The following SLC10A7 variants were observed in gnomAD, a reference collection of about 807,000 sequenced individuals.
The protein encoded by SLC10A7 is sodium/bile acid cotransporter 7.
Under a neutral mutation model 43.2 loss-of-function variants are expected in SLC10A7, and 29 were observed. The ratio of observed to expected loss-of-function variants is 0.67; its 90% CI spans 0.50 to 0.92. The LOEUF (loss-of-function observed/expected upper bound fraction) is 0.92, where lower values mean the gene tolerates loss of function less well. Ranked by LOEUF, SLC10A7 falls within the 40% of genes least tolerant of loss-of-function variation. SLC10A7 has a pLI of 0.00. For missense variants in SLC10A7, 295 were observed against 403.2 expected (o/e 0.73, Z 2.30); for synonymous variants, 152 against 144.8 (o/e 1.05, Z -0.35).
At chr4:146,461,693 A>G (rs1213940695) in intron 4 of SLC10A7, among the ~76,000 whole-genome samples, 1 of 151,944 alleles carries the variant, frequency 6.6e-6, no homozygotes, top group African/African-American at 2.4e-5. Context: ...AATATAATAC[A>G]TAACTAGGTT....
At chr4:146,391,838 G>A (rs78264676) in intron 5 of SLC10A7, among the ~76,000 whole-genome samples, 2 of 152,180 alleles carry the variant, frequency 1.3e-5, no homozygotes, top group South Asian at 2.1e-4. Flanking sequence ...TGCTGTGAGA[G>A]AGAAAAATTA....
At chr4:146,521,490 C>T in intron 1 of SLC10A7, 128 bp downstream of exon 1, 1 of 731,388 alleles carries the variant, frequency 1.4e-6, no homozygotes, top group Non-Finnish European at 2.3e-6. Flanking sequence ...AGCAAAAGGG[C>T]CAAAGGCTGG....
chr4:146,389,529 T>G (rs1170206364), intron 5 of SLC10A7, among the ~76,000 whole-genome samples: 2 of 152,198 alleles, frequency 1.3e-5, no homozygotes, highest in African/African-American at 2.4e-5. Flanking sequence ...CTATGGTAAT[T>G]CGTTACAGCA....
At chr4:146,456,254 A>C (rs1485409296) in intron 4 of SLC10A7, among the ~76,000 whole-genome samples, 1 of 151,964 alleles carries the variant, frequency 6.6e-6, no homozygotes, top group Non-Finnish European at 1.5e-5. Context: ...TTTGAAAAAG[A>C]CAAATAAAAT....
chr4:146,298,685 T>A (rs1304740746), intron 7 of SLC10A7, among the ~76,000 whole-genome samples: 1 of 152,220 alleles, frequency 6.6e-6, no homozygotes, highest in Non-Finnish European at 1.5e-5. Flanking sequence ...AGCACTTAGA[T>A]GTATTGAAAA....
At chr4:146,413,388 G>A (rs1372219048) in intron 5 of SLC10A7, among the ~76,000 whole-genome samples, 4 of 152,032 alleles carry the variant, frequency 2.6e-5, no homozygotes, top group Non-Finnish European at 2.9e-5. Flanking sequence ...TAATATTGTA[G>A]TACCTTCAGA....
intron 6 of SLC10A7, among the ~76,000 whole-genome samples, chr4:146,309,660 C>T (rs991540552): frequency 1.3e-5 from 2 of 152,146 alleles, no homozygotes. Context: ...ACACATTCTT[C>T]CAACTTCATT....
chr4:146,446,537 C>T (rs1227228521), intron 4 of SLC10A7, among the ~76,000 whole-genome samples: 2 of 149,482 alleles, frequency 1.3e-5, no homozygotes, highest in Non-Finnish European at 3.0e-5. Flanking sequence ...GATTGTACCA[C>T]TGCATTCCAG....
intron 6 of SLC10A7, among the ~76,000 whole-genome samples, chr4:146,312,834 A>G (rs963309753): frequency 2.6e-5 from 4 of 152,128 alleles, no homozygotes; most frequent in African/African-American, 9.7e-5. Flanking sequence ...TCAAACCCAC[A>G]CAGTCTGTTT....
rs114626809 is a variant in SLC10A7, at chr4:146,338,173, G to C, written c.436-12177C>G. On this transcript the variant is annotated intron_variant, in intron 5 of 11. Coordinates refer to ENST00000335472, the MANE Select transcript of SLC10A7 (RefSeq NM_001029998.6). ...TGTGTCCACAAATGTTTCTCTCATG[G>C]AGCAGCATATCCATTTGATAAGAAA... 3.9e-3 allele frequency among the ~76,000 whole-genome samples: 597 copies of C among 152,030 alleles called. 2 individuals carry two copies. Among genetic ancestry groups the C allele is most frequent in the African/African-American group, 0.013 (546 of 41,484 alleles).
chr4:146,493,992 G>A (rs1038744071), intron 4 of SLC10A7, among the ~76,000 whole-genome samples: 9 of 152,184 alleles, frequency 5.9e-5, no homozygotes, highest in South Asian at 4.1e-4. Context: ...ATGAATGAGC[G>A]AATTTAGAAG....
At chr4:146,323,467 C>A (rs1372845494) in intron 6 of SLC10A7, among the ~76,000 whole-genome samples, 1 of 152,112 alleles carries the variant, frequency 6.6e-6, no homozygotes, top group African/African-American at 2.4e-5. Flanking sequence ...TTCCCAGCAC[C>A]ATTTATTAAA....
intron 5 of SLC10A7, among the ~76,000 whole-genome samples, chr4:146,337,443 A>G (rs1431325949): frequency 6.6e-6 from 1 of 152,020 alleles, no homozygotes; most frequent in Admixed American, 6.6e-5. Context: ...CAGCTCTCTT[A>G]AAATGTCAAG....
At chr4:146,450,361 A>C (rs949984910) in intron 4 of SLC10A7, among the ~76,000 whole-genome samples, 6 of 152,168 alleles carry the variant, frequency 3.9e-5, no homozygotes, top group African/African-American at 1.4e-4. Flanking sequence ...GAAGATGTGC[A>C]TTTATATATA....
At chr4:146,449,122 G>A (rs1290497904) in intron 4 of SLC10A7, among the ~76,000 whole-genome samples, 1 of 152,074 alleles carries the variant, frequency 6.6e-6, no homozygotes, top group Non-Finnish European at 1.5e-5. Context: ...CAGGAGCATC[G>A]GATACACCCT....
intron 10 of SLC10A7, among the ~76,000 whole-genome samples, chr4:146,278,300 G>A (rs1479206858): frequency 6.6e-6 from 1 of 152,088 alleles, no homozygotes; most frequent in African/African-American, 2.4e-5. Context: ...ACCAATTGTA[G>A]AGTAGTTTTA....
intron 6 of SLC10A7, among the ~76,000 whole-genome samples, chr4:146,320,646 C>T (rs1425598215): frequency 6.6e-6 from 1 of 151,850 alleles, no homozygotes; most frequent in Non-Finnish European, 1.5e-5. Context: ...AATTTAGAGA[C>T]CAGGGTATTG....
At chr4:146,474,032 C>A (rs1041545718) in intron 4 of SLC10A7, among the ~76,000 whole-genome samples, 1 of 151,764 alleles carries the variant, frequency 6.6e-6, no homozygotes, top group Non-Finnish European at 1.5e-5. Context: ...TGGATTACTC[C>A]CATACATGCC....
intron 6 of SLC10A7, among the ~76,000 whole-genome samples, chr4:146,313,523 C>T (rs1043201673): frequency 6.6e-6 from 1 of 152,014 alleles, no homozygotes. Context: ...AATCAGATGG[C>T]TAGTTTTTTT....
Sources: allele counts gnomAD v4.1 joint callset (sites outside exome capture counted in the v4.1 genomes callset), GRCh38; gene constraint gnomAD v4.1.1; transcripts MANE v1.5; gene names NCBI Gene and HGNC (gene_info 2026-07-23, HGNC 2026-07-21).